GPD1: variants seen among roughly 807,000 people sequenced by gnomAD.
The protein encoded by GPD1 is glycerol-3-phosphate dehydrogenase 1.
Under a neutral mutation model 34.4 loss-of-function variants are expected in GPD1, and 19 were observed. That is an observed-to-expected ratio of 0.55 (90% confidence interval 0.39 to 0.81). GPD1 has a LOEUF of 0.81. Ranked by LOEUF, GPD1 falls within the 30% of genes least tolerant of loss-of-function variation. The probability of loss-of-function intolerance (pLI) is 0.00; values close to 1 mark genes in which losing one functional copy is unlikely to be tolerated. For missense variants in GPD1, 429 were observed against 447.0 expected (o/e 0.96, Z 0.36); for synonymous variants, 172 against 174.1 (o/e 0.99, Z 0.09).
chr12:50,107,407 A>G, intron 5 of GPD1, 160 bp from the exon 6 acceptor site: 1 of 738,536 alleles, frequency 1.4e-6, no homozygotes, highest in Non-Finnish European at 2.5e-6. Flanking sequence ...GGGGTGCAGC[A>G]AGGGGGGAAA....
At chr12:50,109,361 G>T in intron 7 of GPD1, 62 bp from the exon 8 acceptor site, 3 of 847,504 alleles carry the variant, frequency 3.5e-6, no homozygotes, top group Non-Finnish European at 6.2e-6. Context: ...CAGTGAGTGG[G>T]GGTGGGGGTA....
intron 2 of GPD1, 140 bp downstream of exon 2, chr12:50,104,891 C>G: frequency 7.7e-6 from 5 of 650,842 alleles, no homozygotes; most frequent in Admixed American, 2.7e-5. Flanking sequence ...GAGGGCTGCT[C>G]TGGGCCCTTT....
chr12:50,104,327 C>G lies in GPD1; in HGVS notation c.41+236C>G, dbSNP rs145706986. ...CCAGAGCTCTCTATGTGAAGAGCCGCTTGAGTTTGGGGGTGGGAAGATGAG... is the reference window on the plus strand; with the variant it reads ...CCAGAGCTCTCTATGTGAAGAGCCGGTTGAGTTTGGGGGTGGGAAGATGAG... On this transcript the variant is annotated intron_variant, in intron 1 of 7. Transcript: ENST00000301149. The G allele has an allele frequency of 3.4e-3, 2,361 of 704,168 alleles. 10 individuals carry two copies. Among genetic ancestry groups the G allele is most frequent in the Middle Eastern group, 0.012 (43 of 3,624 alleles). The allele number at this position is 704,168 out of a possible 1,614,324, so 43.6% of individuals were successfully genotyped here. A position where few individuals can be genotyped will look rare whatever the true frequency, so the allele number is the denominator to read the frequency against.
chr12:50,105,071 T>C, intron 2 of GPD1: 1 of 354,900 alleles, frequency 2.8e-6, no homozygotes, highest in Non-Finnish European at 5.1e-6. Context: ...ATTCACTGAG[T>C]GAGTAGCCGA....
chr12:50,104,566 C>T lies in GPD1; in HGVS notation c.42-8C>T, dbSNP rs1169047263. The T allele has an allele frequency of 1.2e-6, 2 of 1,610,940 alleles. No individual in the cohort carries two copies. The highest frequency in any genetic ancestry group is 4.5e-5 in the East Asian group (2 of 44,848). ...TCCTGTACTTTCCTGTGCTCCCCCT[C>T]CCACCAGGGGCTCAGCCATCGCCAA... On this transcript the variant is annotated splice_polypyrimidine_tract_variant and splice_region_variant and intron_variant, in intron 1 of 7. Transcript: ENST00000301149.
In GPD1 at chr12:50,106,946, G is replaced by C. The variant is rs748854062; in HGVS notation, c.612+29G>C. 3 of 1,351,642 alleles carry C rather than the reference G, an allele frequency of 2.2e-6. No individual in the cohort carries two copies. The African/African-American group carries it at 4.3e-5, about 19-fold the overall frequency. The allele number at this position is 1,351,642 out of a possible 1,614,324, so 83.7% of individuals were successfully genotyped here. ...AGAGGGGCACAGAGGCAGCTATGGGGTGAGGAGAAGGCCCCAAAGGAGGTC... is the reference window on the plus strand; with the variant it reads ...AGAGGGGCACAGAGGCAGCTATGGGCTGAGGAGAAGGCCCCAAAGGAGGTC... On this transcript the variant is annotated intron_variant, in intron 5 of 7. Coordinates refer to ENST00000301149, the MANE Select transcript of GPD1 (RefSeq NM_005276.4).
At position 50,105,628 on chromosome 12, in the gene GPD1, G is replaced by A. The variant is rs17848998; in HGVS notation, c.300G>A (p.Lys100=). The A allele has an allele frequency of 1.1e-5, 17 of 1,614,200 alleles. No homozygotes were observed. The East Asian group carries it at 3.8e-4, about 36-fold the overall frequency. ...IFVVPHQFIG[K]ICDQLKGHLK... is the part of the protein sequence containing the mutation. ...TGGTGCCCCATCAGTTCATCGGCAA[G>A]ATCTGTGACCAGCTCAAGGGCCATC... The change falls in exon 3 of 8, where the codon AAG becomes AAA. Residue 100 remains lysine, a synonymous_variant. Coordinates refer to ENST00000301149, the MANE Select transcript of GPD1 (RefSeq NM_005276.4).
At chr12:50,105,451 A>G in intron 2 of GPD1, 97 bp from the exon 3 acceptor site, 1 of 1,287,778 alleles carries the variant, frequency 7.8e-7, no homozygotes, top group Non-Finnish European at 1.1e-6. Context: ...CTGCTCCCCT[A>G]CCAGCCTCAC....
rs2137928435 is a variant in GPD1, at chr12:50,110,655, G to A, written c.*1136G>A. On this transcript the variant is annotated 3_prime_UTR_variant, in exon 8 of 8. Coordinates refer to ENST00000301149, the MANE Select transcript of GPD1 (RefSeq NM_005276.4). ...GGTGAGCAGATTCCTATGTTGGTGGGCACCAATATTCCAAGGGCAGCTCTC... is the reference window on the plus strand; with the variant it reads ...GGTGAGCAGATTCCTATGTTGGTGGACACCAATATTCCAAGGGCAGCTCTC... 6.5e-6 allele frequency: 1 copy of A among 152,710 alleles called. No individual in the cohort carries two copies. The highest frequency in any genetic ancestry group is 2.1e-4 in the South Asian group (1 of 4,834). The allele number at this position is 152,710 out of a possible 1,614,324, so 9.5% of individuals were successfully genotyped here. A position where few individuals can be genotyped will look rare whatever the true frequency, so the allele number is the denominator to read the frequency against.
At position 50,109,979 on chromosome 12, in the gene GPD1, G is replaced by T; in HGVS notation, c.*460G>T. 1 of 158,076 alleles carries T rather than the reference G, an allele frequency of 6.3e-6. No individual in the cohort carries two copies. The allele number at this position is 158,076 out of a possible 1,614,324, so 9.8% of individuals were successfully genotyped here. ...CAAGGATTGTCAGGGAGGGGTCTGG[G>T]CTTCTGAGCTGATGCAGGCCCCAAG... On this transcript the variant is annotated 3_prime_UTR_variant, in exon 8 of 8. Coordinates refer to ENST00000301149, the MANE Select transcript of GPD1 (RefSeq NM_005276.4).
rs1165154625 is a variant in GPD1, at chr12:50,108,100, G to C, written c.923G>C (p.Ser308Thr). ...CCCGAGACAGCCCGGGAGCTATACA[G>C]CATCCTCCAGCACAAGGGCCTGGTA... ...QGPETARELY[S>T]ILQHKGLVDK... Residue 308 changes from serine to threonine, a missense_variant, in exon 7 of 8, where the codon AGC (serine) becomes ACC (threonine). By Grantham distance (58) the Ser-to-Thr change is moderately conservative. Transcript: ENST00000301149. 6.2e-7 allele frequency: 1 copy of C among 1,609,580 alleles called. No homozygotes were observed. Among genetic ancestry groups the C allele is most frequent in the Non-Finnish European group, 8.5e-7 (1 of 1,176,320 alleles).
chr12:50,104,872 A>T, intron 2 of GPD1, 121 bp downstream of exon 2: 1 of 700,280 alleles, frequency 1.4e-6, no homozygotes, highest in Non-Finnish European at 2.4e-6. Flanking sequence ...GGACTTGGGA[A>T]GGTCTCAGGA....
Position 50,106,376 on chromosome 12 carries a change from C to A in GPD1, c.449C>A (p.Ala150Asp), listed in dbSNP as rs1008856011. The A allele has an allele frequency of 2.5e-6, 4 of 1,613,288 alleles. No homozygotes were observed. Among genetic ancestry groups the A allele is most frequent in the Admixed American group, 3.3e-5 (2 of 59,844 alleles). Residue 150 changes from alanine to aspartate, a missense_variant, in exon 4 of 8, where the codon GCC (alanine) becomes GAC (aspartate). Physicochemically the swap from Ala to Asp is moderately radical, Grantham distance 126 (BLOSUM62 -2). Transcript: ENST00000301149. ...ATCCCCATGAGTGTGCTGATGGGGG[C>A]CAACATTGCCAGCGAGGTGGCTGAT... is the stretch of plus-strand genomic sequence containing the variant. ...LGIPMSVLMGANIASEVADEK... is the reference protein window; with the variant it reads ...LGIPMSVLMGDNIASEVADEK...
At position 50,106,922 on chromosome 12, in the gene GPD1, G is replaced by A; in HGVS notation, c.612+5G>A. 6 of 1,528,196 alleles carry A rather than the reference G, an allele frequency of 3.9e-6. No individual in the cohort carries two copies. Among genetic ancestry groups the A allele is most frequent in the Admixed American group, 1.7e-5 (1 of 59,870 alleles). 94.7% of individuals were successfully genotyped at this position (1,528,196 alleles called of 1,614,324 possible). ...GAGATCTGTGGAGCCTTAAAGGTGA[G>A]AGGGGCACAGAGGCAGCTATGGGGT... On this transcript the variant is annotated splice_donor_5th_base_variant and intron_variant, in intron 5 of 7. Coordinates refer to ENST00000301149, the MANE Select transcript of GPD1 (RefSeq NM_005276.4).
At position 50,106,949 on chromosome 12, in the gene GPD1, A is replaced by G. The variant is rs1378371194; in HGVS notation, c.612+32A>G. 10 of 1,333,708 alleles carry G rather than the reference A, an allele frequency of 7.5e-6. No homozygotes were observed. In the South Asian group the frequency reaches 1.1e-4, roughly 14 times the overall value. The allele number at this position is 1,333,708 out of a possible 1,614,324, so 82.6% of individuals were successfully genotyped here. On this transcript the variant is annotated intron_variant, in intron 5 of 7. Coordinates refer to ENST00000301149, the MANE Select transcript of GPD1 (RefSeq NM_005276.4). Reference sequence around the variant, plus strand: ...GGGGCACAGAGGCAGCTATGGGGTGAGGAGAAGGCCCCAAAGGAGGTCTGG... The same window carrying G: ...GGGGCACAGAGGCAGCTATGGGGTGGGGAGAAGGCCCCAAAGGAGGTCTGG...
In GPD1 at chr12:50,106,830, A is replaced by C. The variant is rs780739732; in HGVS notation, c.525A>C (p.Gln175His). The change falls in exon 5 of 8, where the codon CAA (glutamine) becomes CAC (histidine). Residue 175 changes from glutamine to histidine, a missense_variant. Gln to His is a conservative substitution (Grantham distance 24). Coordinates refer to ENST00000301149, the MANE Select transcript of GPD1 (RefSeq NM_005276.4). Reference sequence around the variant, plus strand: ...GCTGCAAGGACCCGGCCCAGGGACAACTCCTGAAAGAGCTGATGCAGACAC... The same window carrying C: ...GCTGCAAGGACCCGGCCCAGGGACACCTCCTGAAAGAGCTGATGCAGACAC... Reference protein sequence around the residue: ...TIGCKDPAQGQLLKELMQTPN... With the variant: ...TIGCKDPAQGHLLKELMQTPN... 6.2e-7 allele frequency: 1 copy of C among 1,608,008 alleles called. No homozygotes were observed. Among genetic ancestry groups the C allele is most frequent in the Non-Finnish European group, 8.5e-7 (1 of 1,175,354 alleles).
chr12:50,106,124 T>G, intron 3 of GPD1, 164 bp from the exon 4 acceptor site: 1 of 639,814 alleles, frequency 1.6e-6, no homozygotes. Context: ...GTTGGTCACA[T>G]GCTGTCTGGC....
chr12:50,105,443 G>A, intron 2 of GPD1, 105 bp from the exon 3 acceptor site: 2 of 1,169,512 alleles, frequency 1.7e-6, no homozygotes, highest in Admixed American at 2.2e-5. Flanking sequence ...AAGCCTTCCT[G>A]CTCCCCTACC....
rs1159686001 is a variant in GPD1, at chr12:50,106,299, G to C, written c.372G>C (p.Glu124Asp). 1.2e-6 allele frequency: 2 copies of C among 1,610,680 alleles called. No individual in the cohort carries two copies. Among genetic ancestry groups the C allele is most frequent in the Non-Finnish European group, 8.5e-7 (1 of 1,178,888 alleles). The part of the protein sequence containing the change: ...TGISLIKGVD[E>D]GPNGLKLISE... ...CATCCTGTGCTCAGGGGGTAGACGA[G>C]GGCCCCAATGGGCTGAAGCTCATCT... Residue 124 changes from glutamate (E) to aspartate (D), a missense_variant, in exon 4 of 8, where the codon GAG becomes GAC. Physicochemically the swap from Glu to Asp is conservative, Grantham distance 45 (BLOSUM62 2). Transcript: ENST00000301149.
Sources: gnomAD v4.1 joint callset for allele counts on GRCh38, gnomAD v4.1.1 for gene constraint, MANE v1.5 for transcripts, NCBI Gene and HGNC (gene_info 2026-07-23, HGNC 2026-07-21) for gene names.